ARHGEF33: variants seen among roughly 807,000 people sequenced by gnomAD.
ARHGEF33 encodes Rho guanine nucleotide exchange factor 33.
ARHGEF33 carries 72 observed loss-of-function variants against 101.9 expected under a neutral mutation model. The ratio of observed to expected loss-of-function variants is 0.71; its 90% CI spans 0.58 to 0.86. ARHGEF33 has a LOEUF of 0.86. Among genes scored for constraint, ARHGEF33 ranks in the 40% least tolerant of loss-of-function variants. The pLI, the probability that ARHGEF33 is intolerant of heterozygous loss-of-function variation, is 0.00. For missense variants in ARHGEF33, 1,169 were observed against 1,111.3 expected, an observed-to-expected ratio of 1.05 and a Z score of -0.74; for synonymous variants, 499 against 442.5, an observed-to-expected ratio of 1.13 and a Z score of -1.60.
At chr2:38,964,887 A>G (rs1007620213) in intron 16 of ARHGEF33, among the ~76,000 whole-genome samples, 2 of 152,154 alleles carry the variant, frequency 1.3e-5, no homozygotes, top group African/African-American at 4.8e-5. Flanking sequence ...TCAAGAAGCT[A>G]CATTTTAAAT....
intron 2 of ARHGEF33, among the ~76,000 whole-genome samples, chr2:38,915,154 G>T (rs1250527588): frequency 1.3e-5 from 2 of 151,400 alleles, no homozygotes; most frequent in Non-Finnish European, 2.9e-5. Context: ...ACCCAGCCAT[G>T]GTCCAATTTT....
intron 10 of ARHGEF33, among the ~76,000 whole-genome samples, chr2:38,944,808 G>A (rs1203789307): frequency 6.6e-6 from 1 of 151,944 alleles, no homozygotes; most frequent in African/African-American, 2.4e-5. Context: ...ATGACACAGG[G>A]CTGATATAAC....
chr2:38,943,971 C>A lies in ARHGEF33; in HGVS notation c.861C>A (p.Ile287=), dbSNP rs1163165052. ...ERKYVINISL[I]LKIKATFQGS... The stretch of plus-strand genomic sequence containing the variant: ...AATATGTCATTAACATCTCTCTGAT[C>A]TTGAAGATAAAAGCCACATTCCAGG... Residue 287 remains isoleucine, a synonymous_variant, in exon 10 of 18, where the codon ATC becomes ATA. Coordinates refer to ENST00000409978, the MANE Select transcript of ARHGEF33 (RefSeq NM_001145451.5). 3 of 1,551,518 alleles carry A rather than the reference C, an allele frequency of 1.9e-6. No individual in the cohort carries two copies. Among genetic ancestry groups the A allele is most frequent in the Non-Finnish European group, 2.6e-6 (3 of 1,146,928 alleles).
chr2:38,960,258 C>G lies in ARHGEF33; in HGVS notation c.1953C>G (p.Ser651Arg). 1 of 1,548,134 alleles carries G rather than the reference C, an allele frequency of 6.5e-7. No homozygotes were observed. Among genetic ancestry groups the G allele is most frequent in the Non-Finnish European group, 8.7e-7 (1 of 1,146,246 alleles). The change falls in exon 16 of 18, where the codon AGC becomes AGG. Residue 651 changes from serine to arginine, a missense_variant. Transcript: ENST00000409978. ...GCTCGCCTGCCTCCTCCGAGTCCAGCCTGGACATCTGCTTCCTGCGGCCCG... is the reference window on the plus strand; with the variant it reads ...GCTCGCCTGCCTCCTCCGAGTCCAGGCTGGACATCTGCTTCCTGCGGCCCG... The part of the protein sequence containing the change: ...ENCSPASSES[S>R]LDICFLRPVS...
chr2:38,946,205 A>G (rs1667446770), intron 10 of ARHGEF33, among the ~76,000 whole-genome samples: 1 of 152,144 alleles, frequency 6.6e-6, no homozygotes, highest in African/African-American at 2.4e-5. Flanking sequence ...CCTGCAGAAG[A>G]TTTGGGTAGA....
chr2:38,906,185 T>C (rs1032928690), intron 2 of ARHGEF33, among the ~76,000 whole-genome samples: 4 of 136,276 alleles, frequency 2.9e-5, no homozygotes, highest in African/African-American at 1.1e-4. Context: ...CAAGACTCTG[T>C]CTCAAAAAAA....
intron 3 of ARHGEF33, among the ~76,000 whole-genome samples, chr2:38,920,021 G>C (rs1017629385): frequency 6.6e-6 from 1 of 152,166 alleles, no homozygotes; most frequent in Non-Finnish European, 1.5e-5. Context: ...GCTTATGCAG[G>C]AAGTTTGGGT....
chr2:38,938,980 C>T (rs899528243), intron 9 of ARHGEF33, among the ~76,000 whole-genome samples: 4 of 152,078 alleles, frequency 2.6e-5, no homozygotes, highest in Non-Finnish European at 4.4e-5. Flanking sequence ...CATTGATGGA[C>T]ATTTTTTTTT....
At chr2:38,926,270 AC>A (rs1477860987) in intron 4 of ARHGEF33, among the ~76,000 whole-genome samples, 1 of 152,232 alleles carries the variant, frequency 6.6e-6, no homozygotes, top group Non-Finnish European at 1.5e-5. Flanking sequence ...AACAAGGTAG[AC>A]ACCCATTTCT....
rs1471370278 is a variant in ARHGEF33 at position 38,974,883 on chromosome 2, G to A, written c.*1040G>A. Reference sequence around the variant, plus strand: ...AAGCTTAGAGGAATCAGATTGCAACGAGGCCTGCCTGGCTCTGGGGTGATA... The same window carrying A: ...AAGCTTAGAGGAATCAGATTGCAACAAGGCCTGCCTGGCTCTGGGGTGATA... On this transcript the variant is annotated 3_prime_UTR_variant, in exon 18 of 18. Transcript: ENST00000409978. The A allele has an allele frequency of 6.6e-6, 1 of 152,018 alleles. No individual in the cohort carries two copies. The highest frequency in any genetic ancestry group is 2.4e-5 in the African/African-American group (1 of 41,412). 9.4% of individuals were successfully genotyped at this position (152,018 alleles called of 1,614,324 possible).
intron 2 of ARHGEF33, among the ~76,000 whole-genome samples, chr2:38,916,224 C>T (rs538846003): frequency 4.6e-5 from 7 of 152,152 alleles, no homozygotes; most frequent in Non-Finnish European, 7.4e-5. Context: ...CACAAAAATC[C>T]CATAAATATA....
chr2:38,965,673 A>G (rs1668036485), intron 16 of ARHGEF33, among the ~76,000 whole-genome samples: 1 of 152,158 alleles, frequency 6.6e-6, no homozygotes, highest in Non-Finnish European at 1.5e-5. Flanking sequence ...TAATTTATTC[A>G]CTCGTGGAGG....
At chr2:38,945,292 C>G (rs1204417412) in intron 10 of ARHGEF33, among the ~76,000 whole-genome samples, 2 of 152,166 alleles carry the variant, frequency 1.3e-5, no homozygotes, top group African/African-American at 2.4e-5. Flanking sequence ...GCCAACAATA[C>G]ACTCAAAACA....
rs1457294256 is a variant in ARHGEF33, at chr2:38,894,672, G to A, written c.-158-1105G>A. ...TCACTGATGTTCAGCCAGCAGGAAC[G>A]AGGAATGGGGAAAAAAGGTGTGTTC... is the stretch of plus-strand genomic sequence containing the variant. On this transcript the variant is annotated intron_variant, in intron 1 of 17. Transcript: ENST00000409978. 2.6e-5 allele frequency among the ~76,000 whole-genome samples: 4 copies of A among 152,152 alleles called. No individual in the cohort carries two copies. The South Asian group carries it at 6.2e-4, about 24-fold the overall frequency.
intron 16 of ARHGEF33, among the ~76,000 whole-genome samples, chr2:38,962,298 C>T (rs1667960502): frequency 6.6e-6 from 1 of 152,146 alleles, no homozygotes; most frequent in Admixed American, 6.5e-5. Context: ...CATACAAAAC[C>T]TTCTAACTAG....
intron 4 of ARHGEF33, among the ~76,000 whole-genome samples, chr2:38,928,232 A>G (rs535096613): frequency 6.6e-6 from 1 of 152,320 alleles, no homozygotes; most frequent in South Asian, 2.1e-4. Context: ...GTTGACCTGC[A>G]TGACCAGGAC....
At chr2:38,918,542 G>A (rs760031686) in intron 2 of ARHGEF33, among the ~76,000 whole-genome samples, 1 of 152,152 alleles carries the variant, frequency 6.6e-6, no homozygotes, top group Non-Finnish European at 1.5e-5. Flanking sequence ...CCACAACACT[G>A]ACTGTGTGTT....
At chr2:38,902,904 T>G (rs1363420300) in intron 2 of ARHGEF33, among the ~76,000 whole-genome samples, 1 of 152,116 alleles carries the variant, frequency 6.6e-6, no homozygotes, top group Non-Finnish European at 1.5e-5. Context: ...CTCTTATATG[T>G]ATGGGTCAAA....
intron 6 of ARHGEF33, among the ~76,000 whole-genome samples, chr2:38,930,768 A>T (rs1666981155): frequency 1.3e-5 from 2 of 152,242 alleles, no homozygotes; most frequent in Non-Finnish European, 2.9e-5. Flanking sequence ...TTTGAGTTGC[A>T]TTGCTAAGCG....
Sources: gnomAD v4.1 joint callset for allele counts (sites outside exome capture counted in the v4.1 genomes callset) on GRCh38, gnomAD v4.1.1 for gene constraint, MANE v1.5 for transcripts, NCBI Gene and HGNC (gene_info 2026-07-23, HGNC 2026-07-21) for gene names.